Variants in MBOAT1 observed in about 807,000 individuals in gnomAD.
MBOAT1 encodes the protein membrane-bound glycerophospholipid O-acyltransferase 1.
Under a neutral mutation model 64.4 loss-of-function variants are expected in MBOAT1, and 67 were observed. That is an observed-to-expected ratio of 1.04 (90% CI 0.85 to 1.27). The LOEUF (loss-of-function observed/expected upper bound fraction) is 1.27, where lower values mean the gene tolerates loss of function less well. MBOAT1 is among the 50% of genes most tolerant of loss of function. MBOAT1 has a pLI of 0.00. For synonymous variants in MBOAT1, 229 were observed against 218.9 expected (o/e 1.05, Z -0.41); for missense variants, 563 against 604.6 (o/e 0.93, Z 0.72).
chr6:20,193,002 T>TTTTTTTTTTTC (rs1762848612), intron 1 of MBOAT1, among the ~76,000 whole-genome samples: 1 of 88,544 alleles, frequency 1.1e-5, no homozygotes, highest in East Asian at 3.1e-4. Context: ...TTTCTTTTTT[T>TTTTTTTTTTTC]TTTTTTTTTT....
intron 1 of MBOAT1, 109 bp downstream of exon 1, chr6:20,212,027 G>T: frequency 2.4e-6 from 2 of 837,748 alleles, no homozygotes; most frequent in South Asian, 1.6e-5. Flanking sequence ...CTAGTGTGTG[G>T]CTGTAAAATA....
At chr6:20,106,395 CAGATGTAG>C (rs1759957668) in intron 12 of MBOAT1, among the ~76,000 whole-genome samples, 2 of 152,080 alleles carry the variant, frequency 1.3e-5, no homozygotes, top group Admixed American at 1.3e-4. Context: ...TCAGATGGCA[CAGATGTAG>C]ATCATTTCCG....
chr6:20,166,535 C>G (rs775266165), intron 1 of MBOAT1, among the ~76,000 whole-genome samples: 3 of 152,120 alleles, frequency 2.0e-5, no homozygotes, highest in Non-Finnish European at 2.9e-5. Context: ...AAGGTATTCT[C>G]TGTTCTGTGC....
chr6:20,204,543 G>T (rs1241358571), intron 1 of MBOAT1, among the ~76,000 whole-genome samples: 2 of 152,170 alleles, frequency 1.3e-5, no homozygotes, highest in Non-Finnish European at 2.9e-5. Flanking sequence ...AGAGAAAGAA[G>T]GGGTCCATTT....
At chr6:20,171,328 G>C (rs1181579868) in intron 1 of MBOAT1, among the ~76,000 whole-genome samples, 1 of 150,716 alleles carries the variant, frequency 6.6e-6, no homozygotes, top group Non-Finnish European at 1.5e-5. Context: ...CTTGAGCCCA[G>C]GAGTTCAAGA....
rs1050036388 is a variant in MBOAT1, at chr6:20,165,647, G to A, written c.100-12878C>T. On this transcript the variant is annotated intron_variant, in intron 1 of 12. Coordinates refer to ENST00000324607, the MANE Select transcript of MBOAT1 (RefSeq NM_001080480.3). ...AATCCCAGCTACTCAGGAGGCTAAA[G>A]CAGGAGAATCGCTTGCACCCAGGAG... Among the ~76,000 whole-genome samples, 21 of 152,046 alleles carry A rather than the reference G, an allele frequency of 1.4e-4. 1 individual carries two copies. The East Asian group carries it at 3.5e-3, about 25-fold the overall frequency.
At chr6:20,163,742 T>C (rs1337670483) in intron 1 of MBOAT1, among the ~76,000 whole-genome samples, 1 of 152,184 alleles carries the variant, frequency 6.6e-6, no homozygotes, top group South Asian at 2.1e-4. Context: ...TCAGGTGTCC[T>C]GACTCCAGTC....
At position 20,185,847 on chromosome 6, in the gene MBOAT1, T is replaced by A. The variant is rs114173465; in HGVS notation, c.99+26289A>T. Among the ~76,000 whole-genome samples the A allele has an allele frequency of 7.8e-3, 1,190 of 152,294 alleles. 19 individuals carry two copies. Among genetic ancestry groups the A allele is most frequent in the African/African-American group, 0.027 (1,140 of 41,564 alleles). ...AAACACAGGGGAAGGTTTGGTAACTTGCTCAAGGCTTCATAGGTAGTTAAT... is the reference window on the plus strand; with the variant it reads ...AAACACAGGGGAAGGTTTGGTAACTAGCTCAAGGCTTCATAGGTAGTTAAT... On this transcript the variant is annotated intron_variant, in intron 1 of 12. Coordinates refer to ENST00000324607, the MANE Select transcript of MBOAT1 (RefSeq NM_001080480.3).
chr6:20,155,213 C>T (rs1761641838), intron 1 of MBOAT1, among the ~76,000 whole-genome samples: 1 of 152,188 alleles, frequency 6.6e-6, no homozygotes, highest in Non-Finnish European at 1.5e-5. Flanking sequence ...AATGCACACT[C>T]TTGGGGCCCA....
At chr6:20,200,843 G>A (rs1009019253) in intron 1 of MBOAT1, among the ~76,000 whole-genome samples, 3 of 152,186 alleles carry the variant, frequency 2.0e-5, no homozygotes, top group Admixed American at 6.5e-5. Context: ...ATTTAAGGGT[G>A]TATGTCCGCT....
intron 9 of MBOAT1, among the ~76,000 whole-genome samples, chr6:20,115,832 T>C (rs1760301931): frequency 6.6e-6 from 1 of 152,086 alleles, no homozygotes; most frequent in African/African-American, 2.4e-5. Flanking sequence ...CTACTCAGGT[T>C]CCAATGTTTC....
chr6:20,192,995 CTTTTTTTTTT>C lies in MBOAT1; in HGVS notation c.99+19131_99+19140del, dbSNP rs1174816793. Among the ~76,000 whole-genome samples, 248 of 55,042 alleles carry C rather than the reference CTTTTTTTTTT, an allele frequency of 4.5e-3. 3 individuals are homozygous for C. In the Admixed American group the frequency reaches 0.053, roughly 12 times the overall value. 36.1% of individuals were successfully genotyped at this position (55,042 alleles called of 152,430 possible). A position where few individuals can be genotyped will look rare whatever the true frequency, so the allele number is the denominator to read the frequency against. On this transcript the variant is annotated intron_variant, in intron 1 of 12. Transcript: ENST00000324607. The stretch of plus-strand genomic sequence containing the variant: ...TTATTCAGCTGGTATGCTATAATTT[CTTTTTTTTTT>C]TTTTTTTTTTTTTTTTTTGAGACGG...
At chr6:20,161,017 A>C (rs1411798818) in intron 1 of MBOAT1, among the ~76,000 whole-genome samples, 3 of 152,208 alleles carry the variant, frequency 2.0e-5, no homozygotes, top group Non-Finnish European at 4.4e-5. Flanking sequence ...GTACTGGTCC[A>C]TGGCCTGTTA....
intron 1 of MBOAT1, among the ~76,000 whole-genome samples, chr6:20,165,819 C>T (rs1297450034): frequency 6.6e-6 from 1 of 151,894 alleles, no homozygotes; most frequent in East Asian, 1.9e-4. Flanking sequence ...AACCCAACAT[C>T]CTATGTTCCA....
rs142354386 is a variant in MBOAT1 at position 20,188,390 on chromosome 6, A to G, written c.99+23746T>C. Among the ~76,000 whole-genome samples, 756 of 152,262 alleles carry G rather than the reference A, an allele frequency of 5.0e-3. 4 individuals are homozygous for G. Among genetic ancestry groups the G allele is most frequent in the African/African-American group, 0.017 (721 of 41,558 alleles). ...CTCCTGAAGACCCTCAGCACATTCC[A>G]GGTAGTTCTGTTACAGTCTCACCAA... On this transcript the variant is annotated intron_variant, in intron 1 of 12. Transcript: ENST00000324607.
chr6:20,168,502 A>AGAGGAGAGGAGAGGAGAG (rs1561773038), intron 1 of MBOAT1, among the ~76,000 whole-genome samples: 7 of 92,900 alleles, frequency 7.5e-5, no homozygotes, highest in East Asian at 2.3e-4. Context: ...AGAGAGAGAG[A>AGAGGAGAGGAGAGGAGAG]GAGAGGAGAG....
chr6:20,165,858 AG>A (rs1311622499), intron 1 of MBOAT1, among the ~76,000 whole-genome samples: 2 of 152,198 alleles, frequency 1.3e-5, no homozygotes, highest in African/African-American at 4.8e-5. Context: ...TAAGAACTGC[AG>A]GTCCTTCCAG....
intron 8 of MBOAT1, 65 bp downstream of exon 8, chr6:20,124,343 T>C: frequency 6.6e-7 from 1 of 1,514,734 alleles, no homozygotes; most frequent in Non-Finnish European, 8.9e-7. Context: ...AACGTCGTTC[T>C]GGCTAAGCCA....
At chr6:20,181,686 C>T (rs530750103) in intron 1 of MBOAT1, among the ~76,000 whole-genome samples, 7 of 152,322 alleles carry the variant, frequency 4.6e-5, no homozygotes, top group South Asian at 2.1e-4. Flanking sequence ...GGTGCCCACG[C>T]GTGTGAAACA....
Sources: allele counts gnomAD v4.1 joint callset (sites outside exome capture counted in the v4.1 genomes callset), GRCh38; gene constraint gnomAD v4.1.1; transcripts MANE v1.5; gene names NCBI Gene and HGNC (gene_info 2026-07-23, HGNC 2026-07-21).